Variants in ACOT13 observed in about 807,000 individuals in gnomAD.
ACOT13 encodes acyl-coenzyme A thioesterase 13.
Under a neutral mutation model 11.8 loss-of-function variants are expected in ACOT13, and 10 were observed. The observed-to-expected ratio is 0.85, with a 90% CI of 0.53 to 1.44. ACOT13 has a LOEUF of 1.44. Ranked by LOEUF, ACOT13 falls within the 40% of genes most tolerant of loss-of-function variation. ACOT13 has a pLI of 0.00. For synonymous variants in ACOT13, 53 were observed against 61.0 expected (o/e 0.87, Z 0.61); for missense variants, 172 against 174.1 (o/e 0.99, Z 0.07).
chr6:24,683,966 G>GT (rs1429633324), intron 1 of ACOT13, among the ~76,000 whole-genome samples: 3 of 151,574 alleles, frequency 2.0e-5, no homozygotes, highest in Middle Eastern at 3.5e-3. Flanking sequence ...TCTTGAGTTA[G>GT]TTAACCTAAG....
At chr6:24,700,096 C>A in intron 2 of ACOT13, among the ~76,000 whole-genome samples, 1 of 152,202 alleles carries the variant, frequency 6.6e-6, no homozygotes. Context: ...CTATATTATA[C>A]AGACTGAGGA....
At chr6:24,674,402 G>GTTTT (rs70974927) in intron 1 of ACOT13, among the ~76,000 whole-genome samples, 52,144 of 150,948 alleles carry the variant, frequency 0.35, 9,563 homozygotes, top group Non-Finnish European at 0.42. Flanking sequence ...TTTTTGGGGG[G>GTTTT]TTTTGTTTGT....
intron 1 of ACOT13, chr6:24,687,834 C>T: frequency 1.1e-6 from 1 of 874,200 alleles, no homozygotes. Flanking sequence ...GCTTCAGCCT[C>T]CAGAGCAGCT....
chr6:24,670,874 T>C (rs1243042337), intron 1 of ACOT13, among the ~76,000 whole-genome samples: 1 of 152,124 alleles, frequency 6.6e-6, no homozygotes, highest in Non-Finnish European at 1.5e-5. Context: ...CATGAGCATT[T>C]TAGCTCTCCA....
At chr6:24,674,469 C>T (rs1003595874) in intron 1 of ACOT13, among the ~76,000 whole-genome samples, 3 of 152,092 alleles carry the variant, frequency 2.0e-5, no homozygotes, top group East Asian at 1.9e-4. Flanking sequence ...AGTGCAGTTG[C>T]GTGATTTCAG....
intron 1 of ACOT13, among the ~76,000 whole-genome samples, chr6:24,676,625 G>T (rs1778459077): frequency 4.6e-5 from 7 of 152,184 alleles, no homozygotes; most frequent in Admixed American, 4.6e-4. Context: ...ATTTTGGGCT[G>T]AGATGATGGG....
chr6:24,669,233 C>T (rs561706796), intron 1 of ACOT13, among the ~76,000 whole-genome samples: 1 of 152,104 alleles, frequency 6.6e-6, no homozygotes, highest in Non-Finnish European at 1.5e-5. Flanking sequence ...TGGTTTTATG[C>T]GTTTTAGGGA....
Position 24,672,326 on chromosome 6 carries a change from A to C in ACOT13, c.81+4982A>C, listed in dbSNP as rs369293832. ...TTCAAAATTTTATAAACAATCTATAAAATTTTAAACTTGACCATAAGATAT... is the reference window on the plus strand; with the variant it reads ...TTCAAAATTTTATAAACAATCTATACAATTTTAAACTTGACCATAAGATAT... On this transcript the variant is annotated intron_variant, in intron 1 of 2. Coordinates refer to ENST00000230048, the MANE Select transcript of ACOT13 (RefSeq NM_018473.4). Among the ~76,000 whole-genome samples the C allele has an allele frequency of 5.7e-4, 87 of 152,318 alleles. No individual in the cohort carries two copies. The South Asian group carries it at 0.017, about 29-fold the overall frequency.
At chr6:24,700,190 A>G (rs1778869223) in intron 2 of ACOT13, among the ~76,000 whole-genome samples, 2 of 152,210 alleles carry the variant, frequency 1.3e-5, no homozygotes, top group African/African-American at 4.8e-5. Flanking sequence ...TACTGACAAA[A>G]TGTCAATCTC....
rs371217957 is a variant in ACOT13 at position 24,677,256 on chromosome 6, A to G, written c.81+9912A>G. Among the ~76,000 whole-genome samples, 10 of 152,364 alleles carry G rather than the reference A, an allele frequency of 6.6e-5. No individual in the cohort carries two copies. In the East Asian group the frequency reaches 1.7e-3, roughly 26 times the overall value. On this transcript the variant is annotated intron_variant, in intron 1 of 2. Coordinates refer to ENST00000230048, the MANE Select transcript of ACOT13 (RefSeq NM_018473.4). The stretch of plus-strand genomic sequence containing the variant: ...TTCTATCTTTTCTTCATTGTCTGGA[A>G]GAAATGTGGCTGTGTTAAGAGTTGC...
rs1037877035 is a variant in ACOT13 at position 24,694,095 on chromosome 6, A to G, written c.82-3788A>G. ...ATATAAAAGGGACAGATTATTGTAT[A>G]TGTGTGTGTACATGTAAGAATTGTT... On this transcript the variant is annotated intron_variant, in intron 1 of 2. Coordinates refer to ENST00000230048, the MANE Select transcript of ACOT13 (RefSeq NM_018473.4). Among the ~76,000 whole-genome samples the G allele has an allele frequency of 5.9e-5, 9 of 152,184 alleles. No individual in the cohort carries two copies. In the South Asian group the frequency reaches 6.2e-4, roughly 10 times the overall value.
chr6:24,687,884 G>A (rs1316550892), intron 1 of ACOT13, among the ~76,000 whole-genome samples: 1 of 151,710 alleles, frequency 6.6e-6, no homozygotes, highest in Non-Finnish European at 1.5e-5. Context: ...GCTAATTTGT[G>A]TATTTTTAGC....
At chr6:24,695,785 G>C (rs1054858104) in intron 1 of ACOT13, among the ~76,000 whole-genome samples, 22 of 152,230 alleles carry the variant, frequency 1.4e-4, no homozygotes, top group African/African-American at 5.1e-4. Context: ...GACGATCATA[G>C]GCCAGGCGCG....
intron 1 of ACOT13, among the ~76,000 whole-genome samples, chr6:24,688,539 CAAA>C (rs34225480): frequency 6.1e-5 from 5 of 82,294 alleles, no homozygotes; most frequent in Non-Finnish European, 5.0e-5. Context: ...GACCCTGTCT[CAAA>C]AAAAAAAAAA....
intron 1 of ACOT13, among the ~76,000 whole-genome samples, chr6:24,696,612 G>T (rs923720939): frequency 1.3e-5 from 2 of 152,090 alleles, no homozygotes; most frequent in Non-Finnish European, 2.9e-5. Context: ...TAGTGAGGGT[G>T]GAAATTACTG....
intron 1 of ACOT13, among the ~76,000 whole-genome samples, chr6:24,694,734 C>G (rs1272893517): frequency 6.6e-6 from 1 of 152,132 alleles, no homozygotes; most frequent in Non-Finnish European, 1.5e-5. Context: ...TGGTTTAATT[C>G]TCTTATTTGA....
chr6:24,680,679 T>A (rs548018053), intron 1 of ACOT13, among the ~76,000 whole-genome samples: 1 of 152,186 alleles, frequency 6.6e-6, no homozygotes, highest in Non-Finnish European at 1.5e-5. Flanking sequence ...ACATTGCTTT[T>A]GCGCTCAGGG....
rs546064437 is a variant in ACOT13, at chr6:24,685,211, T to A, written c.82-12672T>A. Reference sequence around the variant, plus strand: ...GTACTTTGTATTTGCTAATTTGATCTAAAAGAGGTTTTGTGGCTGTTTATG... The same window carrying A: ...GTACTTTGTATTTGCTAATTTGATCAAAAAGAGGTTTTGTGGCTGTTTATG... On this transcript the variant is annotated intron_variant, in intron 1 of 2. Transcript: ENST00000230048. Among the ~76,000 whole-genome samples, 3 of 152,254 alleles carry A rather than the reference T, an allele frequency of 2.0e-5. No homozygotes were observed. The East Asian group carries it at 5.8e-4, about 29-fold the overall frequency.
intron 1 of ACOT13, among the ~76,000 whole-genome samples, chr6:24,673,353 T>A (rs1291077790): frequency 6.6e-6 from 1 of 152,128 alleles, no homozygotes; most frequent in Non-Finnish European, 1.5e-5. Flanking sequence ...TAAAAAAAAA[T>A]TAAATTCTCT....
Sources: allele counts gnomAD v4.1 joint callset (sites outside exome capture counted in the v4.1 genomes callset), GRCh38; gene constraint gnomAD v4.1.1; transcripts MANE v1.5; gene names NCBI Gene and HGNC (gene_info 2026-07-23, HGNC 2026-07-21).